Variants in SLC44A5 observed in about 807,000 individuals in gnomAD.
The protein encoded by SLC44A5 is solute carrier family 44 member 5, also known as choline transporter-like protein 5.
Under a neutral mutation model 101.8 loss-of-function variants are expected in SLC44A5, and 57 were observed. The ratio of observed to expected loss-of-function variants is 0.56; its 90% CI spans 0.45 to 0.70. The LOEUF (loss-of-function observed/expected upper bound fraction) is 0.70. Among genes scored for constraint, SLC44A5 ranks in the 30% least tolerant of loss-of-function variants. The probability of loss-of-function intolerance (pLI) is 0.00; values close to 1 mark genes in which losing one functional copy is unlikely to be tolerated. For missense variants in SLC44A5, 737 were observed against 853.1 expected, an observed-to-expected ratio of 0.86 and a Z score of 1.70; for synonymous variants, 281 against 290.9, an observed-to-expected ratio of 0.97 and a Z score of 0.35.
chr1:75,540,458 A>G (rs1400763800), intron 2 of SLC44A5, among the ~76,000 whole-genome samples: 1 of 152,228 alleles, frequency 6.6e-6, no homozygotes, highest in Non-Finnish European at 1.5e-5. Flanking sequence ...CATGTTCACA[A>G]GATCAGATAA....
intron 6 of SLC44A5, among the ~76,000 whole-genome samples, chr1:75,261,783 T>G (rs1035853684): frequency 6.6e-6 from 1 of 152,096 alleles, no homozygotes; most frequent in Admixed American, 6.6e-5. Flanking sequence ...ACTGGCAAAC[T>G]GAGTCCTGCA....
chr1:75,252,098 C>T (rs1448561817), intron 6 of SLC44A5, among the ~76,000 whole-genome samples: 2 of 152,240 alleles, frequency 1.3e-5, no homozygotes, highest in Admixed American at 1.3e-4. Flanking sequence ...CATTTTGATT[C>T]CCAACTCTTT....
intron 2 of SLC44A5, among the ~76,000 whole-genome samples, chr1:75,470,067 C>T (rs1375261794): frequency 6.6e-6 from 1 of 152,072 alleles, no homozygotes; most frequent in Non-Finnish European, 1.5e-5. Flanking sequence ...TATTTGACAG[C>T]ATATTAAAGA....
intron 1 of SLC44A5, among the ~76,000 whole-genome samples, chr1:75,578,191 A>G (rs1570658694): frequency 6.6e-6 from 1 of 152,136 alleles, no homozygotes; most frequent in East Asian, 1.9e-4. Context: ...AATTATAAAA[A>G]TTAGTGATAT....
intron 2 of SLC44A5, among the ~76,000 whole-genome samples, chr1:75,419,188 A>G (rs1331669436): frequency 6.6e-6 from 1 of 152,192 alleles, no homozygotes; most frequent in Non-Finnish European, 1.5e-5. Context: ...GGGCAGAAAA[A>G]TATTTGAAAA....
the SLC44A5 span, among the ~76,000 whole-genome samples, chr1:75,682,907 A>G: frequency 6.6e-6 from 1 of 152,190 alleles, no homozygotes; most frequent in East Asian, 1.9e-4. Context: ...ACAAATTAAC[A>G]AGAAAAAAAC....
the SLC44A5 span, among the ~76,000 whole-genome samples, chr1:75,695,356 G>T: frequency 6.6e-6 from 1 of 152,096 alleles, no homozygotes; most frequent in Non-Finnish European, 1.5e-5. Flanking sequence ...ATCAGATAAC[G>T]CCAAGTAGAC....
chr1:75,661,026 C>T, the SLC44A5 span, among the ~76,000 whole-genome samples: 1 of 151,978 alleles, frequency 6.6e-6, no homozygotes, highest in Admixed American at 6.6e-5. Flanking sequence ...TCCTGAATAG[C>T]CAAAGCAATT....
chr1:75,339,420 T>C (rs1041685686), intron 4 of SLC44A5, among the ~76,000 whole-genome samples, 162 bp downstream of exon 4: 18 of 152,196 alleles, frequency 1.2e-4, no homozygotes, highest in African/African-American at 4.1e-4. Flanking sequence ...TTATTCTCTG[T>C]ACTTTCCCTG....
the SLC44A5 span, among the ~76,000 whole-genome samples, chr1:75,634,281 G>C: frequency 6.6e-6 from 1 of 152,266 alleles, no homozygotes; most frequent in East Asian, 1.9e-4. Flanking sequence ...GATTGGAATA[G>C]TTTCAGAAGG....
chr1:75,245,853 G>A (rs1229027714), intron 7 of SLC44A5, among the ~76,000 whole-genome samples: 3 of 152,082 alleles, frequency 2.0e-5, no homozygotes, highest in Non-Finnish European at 4.4e-5. Flanking sequence ...GTGCAGATTA[G>A]TAGTAATCAA....
At chr1:75,436,042 A>G (rs938098103) in intron 2 of SLC44A5, among the ~76,000 whole-genome samples, 1 of 152,130 alleles carries the variant, frequency 6.6e-6, no homozygotes, top group Non-Finnish European at 1.5e-5. Context: ...AGTTTACAAA[A>G]TTATATTTGT....
At chr1:75,615,474 C>CAT (rs1308378152), upstream of SLC44A5, among the ~76,000 whole-genome samples, 3 of 125,834 alleles carry the variant, frequency 2.4e-5, no homozygotes, top group African/African-American at 8.1e-5. Flanking sequence ...CACACACACA[C>CAT]ACACGAGAGG....
chr1:75,280,588 C>T (rs976065504), intron 5 of SLC44A5, among the ~76,000 whole-genome samples: 2 of 147,290 alleles, frequency 1.4e-5, no homozygotes, highest in African/African-American at 5.0e-5. Context: ...GGCCTTGTGT[C>T]CCCACTAAAA....
intron 6 of SLC44A5, among the ~76,000 whole-genome samples, chr1:75,261,650 T>A (rs1650515739): frequency 6.6e-6 from 1 of 152,048 alleles, no homozygotes; most frequent in Admixed American, 6.6e-5. Context: ...AAAGAGGGAA[T>A]CCTCCCTAAA....
the SLC44A5 span, among the ~76,000 whole-genome samples, chr1:75,667,871 T>C: frequency 6.6e-6 from 1 of 152,238 alleles, no homozygotes; most frequent in Non-Finnish European, 1.5e-5. Flanking sequence ...GCAGTCACTG[T>C]CAAAAGACAT....
Position 75,391,768 on chromosome 1 carries a change from T to C in SLC44A5, c.52+4815A>G, listed in dbSNP as rs576309980. ...AATGTAAGACCTCAAACTATAAGAATACTAGAACACCACCTAGGAAATAAC... is the reference window on the plus strand; with the variant it reads ...AATGTAAGACCTCAAACTATAAGAACACTAGAACACCACCTAGGAAATAAC... On this transcript the variant is annotated intron_variant, in intron 3 of 23. Transcript: ENST00000370859. Among the ~76,000 whole-genome samples, 3 of 152,262 alleles carry C rather than the reference T, an allele frequency of 2.0e-5. No homozygotes were observed. The South Asian group carries it at 6.2e-4, about 32-fold the overall frequency.
chr1:75,323,844 A>C (rs1656370164), intron 4 of SLC44A5, among the ~76,000 whole-genome samples: 2 of 152,192 alleles, frequency 1.3e-5, no homozygotes, highest in African/African-American at 2.4e-5. Context: ...TTTTGGGTTA[A>C]AAAATGGCTA....
intron 1 of SLC44A5, among the ~76,000 whole-genome samples, chr1:75,599,078 T>C (rs1348294240): frequency 1.3e-5 from 2 of 152,160 alleles, no homozygotes; most frequent in African/African-American, 2.4e-5. Context: ...TATGAAAATA[T>C]ATAAAAATAT....
Sources: gnomAD v4.1 joint callset for allele counts (sites outside exome capture counted in the v4.1 genomes callset) on GRCh38, gnomAD v4.1.1 for gene constraint, MANE v1.5 for transcripts, NCBI Gene and HGNC (gene_info 2026-07-23, HGNC 2026-07-21) for gene names.